Variants in CDYL observed in about 807,000 individuals in gnomAD.
The protein encoded by CDYL is chromodomain Y-like protein.
In CDYL, 8 loss-of-function variants were observed where a neutral mutation model predicts 47.3. The ratio of observed to expected loss-of-function variants is 0.17; its 90% CI spans 0.10 to 0.31. CDYL has a LOEUF of 0.31. Among genes scored for constraint, CDYL ranks in the 10% least tolerant of loss-of-function variants. The pLI is 1.00. For synonymous variants in CDYL, 266 were observed against 265.0 expected (o/e 1.00, Z -0.04); for missense variants, 471 against 701.4 (o/e 0.67, Z 3.71).
intron 1 of CDYL, among the ~76,000 whole-genome samples, chr6:4,807,182 A>G (rs59362617): frequency 0.025 from 3,788 of 152,254 alleles, 152 homozygotes; most frequent in African/African-American, 0.086. Context: ...TCACATTCTG[A>G]GGTTATAATG....
intron 1 of CDYL, among the ~76,000 whole-genome samples, chr6:4,842,893 C>G (rs988935176): frequency 1.3e-4 from 20 of 151,874 alleles, no homozygotes; most frequent in Admixed American, 1.0e-3. Flanking sequence ...TAAGGAGGTT[C>G]TATTTTGGTG....
chr6:4,805,007 G>A (rs931623282), intron 1 of CDYL, among the ~76,000 whole-genome samples: 2 of 152,116 alleles, frequency 1.3e-5, no homozygotes, highest in Non-Finnish European at 2.9e-5. Flanking sequence ...ATGGTTAACG[G>A]TGTTAGCTAG....
intron 1 of CDYL, among the ~76,000 whole-genome samples, chr6:4,866,808 C>T (rs1761336400): frequency 6.6e-6 from 1 of 151,924 alleles, no homozygotes; most frequent in Non-Finnish European, 1.5e-5. Context: ...TAATCTATAC[C>T]CTCTCACTTT....
In CDYL at chr6:4,765,079, T is replaced by C. The variant is rs181772374; in HGVS notation, c.186+30235T>C. ...GGCTCACGCCTGTAATCCCAGCACT[T>C]TGGGAGGTCAAGGTGGGTGGATTAA... is the stretch of plus-strand genomic sequence containing the variant. On this transcript the variant is annotated intron_variant, in intron 3 of 8. Coordinates refer to the CDYL transcript ENST00000328908. 3.3e-5 allele frequency among the ~76,000 whole-genome samples: 5 copies of C among 152,268 alleles called. No homozygotes were observed. The East Asian group carries it at 7.7e-4, about 24-fold the overall frequency.
chr6:4,763,041 A>G (rs1244216926), intron 3 of CDYL, among the ~76,000 whole-genome samples: 1 of 152,194 alleles, frequency 6.6e-6, no homozygotes, highest in East Asian at 1.9e-4. Context: ...ATAGCAAGAG[A>G]AGAAAGATAG....
intron 5 of CDYL, among the ~76,000 whole-genome samples, chr6:4,951,702 C>T (rs751495055): frequency 5.3e-5 from 8 of 151,968 alleles, no homozygotes; most frequent in Non-Finnish European, 1.2e-4. Flanking sequence ...CAGAAACGGT[C>T]GCTGCCATTA....
intron 2 of CDYL, among the ~76,000 whole-genome samples, chr6:4,915,355 T>C (rs1303646763): frequency 6.6e-6 from 1 of 152,236 alleles, no homozygotes; most frequent in Non-Finnish European, 1.5e-5. Context: ...GGGTGTTTGA[T>C]AAACTTATGT....
chr6:4,722,083 G>A (rs181387678), intron 2 of CDYL, among the ~76,000 whole-genome samples: 52 of 152,102 alleles, frequency 3.4e-4, no homozygotes, highest in Non-Finnish European at 5.7e-4. Context: ...TCAAACTCCT[G>A]ACCTTTTGAT....
intron 1 of CDYL, among the ~76,000 whole-genome samples, chr6:4,827,551 T>G (rs372162185): frequency 6.6e-6 from 1 of 152,262 alleles, no homozygotes; most frequent in African/African-American, 2.4e-5. Flanking sequence ...CATACAAATG[T>G]CTGTCTATAC....
intron 1 of CDYL, among the ~76,000 whole-genome samples, chr6:4,866,945 C>A (rs1218899286): frequency 1.3e-5 from 2 of 151,986 alleles, no homozygotes; most frequent in Non-Finnish European, 2.9e-5. Context: ...TAAATTGATC[C>A]TCTAGTTTGG....
chr6:4,758,791 T>C (rs1758119433), intron 3 of CDYL, among the ~76,000 whole-genome samples: 1 of 152,092 alleles, frequency 6.6e-6, no homozygotes, highest in South Asian at 2.1e-4. Flanking sequence ...TCGATGTATA[T>C]TTTTGTACGG....
intron 1 of CDYL, among the ~76,000 whole-genome samples, chr6:4,807,943 T>G (rs1401405506): frequency 6.6e-6 from 1 of 152,084 alleles, no homozygotes; most frequent in African/African-American, 2.4e-5. Flanking sequence ...TTTTTTTAAC[T>G]CTATGTATTA....
intron 1 of CDYL, among the ~76,000 whole-genome samples, chr6:4,854,773 A>G (rs1760956902): frequency 6.6e-6 from 1 of 152,158 alleles, no homozygotes; most frequent in African/African-American, 2.4e-5. Context: ...CGTCGAAACA[A>G]AAACCAGCCA....
At chr6:4,853,631 C>G (rs956933810) in intron 1 of CDYL, among the ~76,000 whole-genome samples, 3 of 152,188 alleles carry the variant, frequency 2.0e-5, no homozygotes, top group African/African-American at 4.8e-5. Flanking sequence ...ATTACTGCAT[C>G]GAGTCCCTGT....
chr6:4,881,195 G>A lies in CDYL; in HGVS notation c.25-10518G>A, dbSNP rs181816551. ...TGATAGGGTTTGATTTGGGTCTAGT[G>A]TTTTATTTTTTTCTAGTTCTCTTTT... is the stretch of plus-strand genomic sequence containing the variant. On this transcript the variant is annotated intron_variant, in intron 1 of 6. Coordinates refer to ENST00000397588, the MANE Select transcript of CDYL (RefSeq NM_004824.4). 5.4e-4 allele frequency among the ~76,000 whole-genome samples: 82 copies of A among 151,980 alleles called. 2 individuals are homozygous for A. In the East Asian group the frequency reaches 0.013, roughly 24 times the overall value.
At chr6:4,864,121 A>G (rs1761253653) in intron 1 of CDYL, among the ~76,000 whole-genome samples, 2 of 152,238 alleles carry the variant, frequency 1.3e-5, no homozygotes, top group Non-Finnish European at 2.9e-5. Flanking sequence ...TGAGAACGTA[A>G]CTGCCAACCT....
chr6:4,841,685 AT>A (rs1414844912), intron 1 of CDYL, among the ~76,000 whole-genome samples: 1 of 151,800 alleles, frequency 6.6e-6, no homozygotes, highest in Non-Finnish European at 1.5e-5. Flanking sequence ...TTTAATTTTT[AT>A]GTTTTTGCCT....
chr6:4,715,799 C>T (rs1300910553), exon 2 of CDYL: 2 of 1,614,152 alleles, frequency 1.2e-6, no homozygotes, highest in African/African-American at 2.7e-5. Flanking sequence ...AGGCAAGCCA[C>T]AGGTCAGCCT....
Position 4,954,642 on chromosome 6 carries a change from C to T in CDYL, c.*586C>T, listed in dbSNP as rs1007480103. On this transcript the variant is annotated 3_prime_UTR_variant, in exon 7 of 7. Coordinates refer to ENST00000397588, the MANE Select transcript of CDYL (RefSeq NM_004824.4). The stretch of plus-strand genomic sequence containing the variant: ...TGAAAAATCCGCTGAGGAGCATACC[C>T]CAAACCAGACATATGCTTAGGATTC... The T allele has an allele frequency of 1.3e-5, 2 of 152,572 alleles. No individual in the cohort carries two copies. The highest frequency in any genetic ancestry group is 4.8e-5 in the African/African-American group (2 of 41,428). The allele number at this position is 152,572 out of a possible 1,614,324, so 9.5% of individuals were successfully genotyped here.
Sources: allele counts gnomAD v4.1 joint callset (sites outside exome capture counted in the v4.1 genomes callset), GRCh38; gene constraint gnomAD v4.1.1; transcripts MANE v1.5; gene names NCBI Gene and HGNC (gene_info 2026-07-23, HGNC 2026-07-21).